Variants in FBXL2 observed in about 807,000 individuals in gnomAD.
FBXL2 encodes the protein F-box/LRR-repeat protein 2.
In FBXL2, 38 loss-of-function variants were observed where a neutral mutation model predicts 69.2. The observed-to-expected ratio is 0.55, with a 90% CI of 0.42 to 0.72. The LOEUF is 0.72. Ranked by LOEUF, FBXL2 falls within the 30% of genes least tolerant of loss-of-function variation. The pLI is 0.00. For synonymous variants in FBXL2, 192 were observed against 201.3 expected, an observed-to-expected ratio of 0.95 and a Z score of 0.39; for missense variants, 354 against 520.3, an observed-to-expected ratio of 0.68 and a Z score of 3.11.
chr3:33,371,605 T>C (rs935890006), intron 5 of FBXL2, among the ~76,000 whole-genome samples: 1 of 152,228 alleles, frequency 6.6e-6, no homozygotes, highest in African/African-American at 2.4e-5. Context: ...TTGTTTATGC[T>C]ATTTGTGTCA....
At chr3:33,413,856 C>T in the FBXL2 span, among the ~76,000 whole-genome samples, 2 of 152,166 alleles carry the variant, frequency 1.3e-5, no homozygotes, top group African/African-American at 4.8e-5. Flanking sequence ...GCAAAGCTCT[C>T]ATAGTGATGG....
downstream of FBXL2, chr3:33,392,691 T>C (rs2154054388): frequency 1.5e-6 from 2 of 1,377,994 alleles, no homozygotes; most frequent in East Asian, 2.3e-5. Flanking sequence ...AAACAGTAAA[T>C]ATTCTTCTCA....
intron 2 of FBXL2, among the ~76,000 whole-genome samples, chr3:33,309,736 T>C (rs552280379): frequency 6.6e-6 from 1 of 152,224 alleles, no homozygotes; most frequent in Non-Finnish European, 1.5e-5. Flanking sequence ...GATTTTTCTG[T>C]AGTGGTATGC....
At chr3:33,418,028 T>C in the FBXL2 span, among the ~76,000 whole-genome samples, 1 of 152,216 alleles carries the variant, frequency 6.6e-6, no homozygotes, top group Non-Finnish European at 1.5e-5. Flanking sequence ...GAAGAGACAT[T>C]TTTAAAAAGT....
At chr3:33,358,289 C>T (rs1362375339) in intron 2 of FBXL2, among the ~76,000 whole-genome samples, 1 of 152,220 alleles carries the variant, frequency 6.6e-6, no homozygotes, top group East Asian at 1.9e-4. Flanking sequence ...TGCTCACATA[C>T]TATGAGCAGC....
chr3:33,413,416 G>A, the FBXL2 span, among the ~76,000 whole-genome samples: 1 of 151,798 alleles, frequency 6.6e-6, no homozygotes, highest in South Asian at 2.1e-4. Flanking sequence ...GCATGGTGGT[G>A]GGCGCCTGTA....
At position 33,373,257 on chromosome 3, in the gene FBXL2, C is replaced by T. The variant is rs866922990; in HGVS notation, c.360-3C>T. The T allele has an allele frequency of 2.0e-5, 32 of 1,613,838 alleles. No individual in the cohort carries two copies. The highest frequency in any genetic ancestry group is 2.6e-5 in the Non-Finnish European group (31 of 1,179,864). On this transcript the variant is annotated splice_polypyrimidine_tract_variant and splice_region_variant and intron_variant, in intron 6 of 14. Transcript: ENST00000484457. ...TATCTTTAGTGCGTCTGCTCTTTTT[C>T]AGCACGTGTTATAGCCTTAGCAGAT...
chr3:33,405,584 C>T (rs12492331), downstream of FBXL2, among the ~76,000 whole-genome samples: 16,284 of 151,964 alleles, frequency 0.11, 952 homozygotes, highest in Admixed American at 0.16. Flanking sequence ...CCAGCACTTT[C>T]GGAGGCCAAG....
At chr3:33,365,106 A>G (rs2041866954) in intron 5 of FBXL2, among the ~76,000 whole-genome samples, 1 of 152,190 alleles carries the variant, frequency 6.6e-6, no homozygotes, top group Non-Finnish European at 1.5e-5. Flanking sequence ...CTACCTTTAT[A>G]TATAAATTTT....
At chr3:33,415,559 T>C in the FBXL2 span, among the ~76,000 whole-genome samples, 2 of 152,178 alleles carry the variant, frequency 1.3e-5, no homozygotes, top group African/African-American at 4.8e-5. Context: ...TGGATATATG[T>C]GGATTCATTG....
chr3:33,390,543 C>A, downstream of FBXL2: 3 of 661,130 alleles, frequency 4.5e-6, no homozygotes, highest in Non-Finnish European at 5.3e-6. Flanking sequence ...CAAAAAACTT[C>A]ATGTACACAT....
At chr3:33,312,573 G>A (rs1392627203) in intron 2 of FBXL2, among the ~76,000 whole-genome samples, 1 of 152,112 alleles carries the variant, frequency 6.6e-6, no homozygotes, top group Non-Finnish European at 1.5e-5. Context: ...CAGCCCATCC[G>A]GAGATTCTGG....
intron 5 of FBXL2, among the ~76,000 whole-genome samples, chr3:33,368,480 T>C (rs2042091754): frequency 6.6e-6 from 1 of 152,244 alleles, no homozygotes; most frequent in South Asian, 2.1e-4. Flanking sequence ...CTTTGTCTGA[T>C]ATAGTCATTC....
chr3:33,338,009 T>A (rs145706021), intron 2 of FBXL2, among the ~76,000 whole-genome samples: 1,923 of 152,248 alleles, frequency 0.013, 41 homozygotes, highest in African/African-American at 0.044. Flanking sequence ...ATGGGAAGAA[T>A]CAATATTGTT....
At chr3:33,348,750 A>G (rs2040628104) in intron 2 of FBXL2, among the ~76,000 whole-genome samples, 1 of 152,000 alleles carries the variant, frequency 6.6e-6, no homozygotes, top group South Asian at 2.1e-4. Context: ...TGGAATATCA[A>G]TATCTTTCTG....
rs571611171 is a variant in FBXL2 at position 33,354,252 on chromosome 3, G to A, written c.66-4715G>A. On this transcript the variant is annotated intron_variant, in intron 2 of 14. Transcript: ENST00000484457. ...TTTTAGGCTGGGCCCAGTGGTTCAC[G>A]CCTGTAATCCGAGCACTTTGGGAGG... Among the ~76,000 whole-genome samples the A allele has an allele frequency of 5.3e-5, 8 of 152,080 alleles. No individual in the cohort carries two copies. In the East Asian group the frequency reaches 9.7e-4, roughly 18 times the overall value.
intron 2 of FBXL2, among the ~76,000 whole-genome samples, chr3:33,318,396 T>C (rs1333044208): frequency 6.6e-6 from 1 of 152,182 alleles, no homozygotes; most frequent in African/African-American, 2.4e-5. Flanking sequence ...AACTAGTTAT[T>C]TGTTGAGTAC....
At chr3:33,314,306 G>A (rs1187781092) in intron 2 of FBXL2, among the ~76,000 whole-genome samples, 1 of 152,050 alleles carries the variant, frequency 6.6e-6, no homozygotes, top group African/African-American at 2.4e-5. Context: ...TGTACCGTTT[G>A]ACCAACATCT....
intron 2 of FBXL2, among the ~76,000 whole-genome samples, chr3:33,336,537 G>A (rs867668743): frequency 1.2e-4 from 19 of 152,128 alleles, no homozygotes; most frequent in East Asian, 5.8e-4. Flanking sequence ...CAAATATTTC[G>A]TCAACATGAC....
Sources: gnomAD v4.1 joint callset for allele counts (sites outside exome capture counted in the v4.1 genomes callset) on GRCh38, gnomAD v4.1.1 for gene constraint, MANE v1.5 for transcripts, NCBI Gene and HGNC (gene_info 2026-07-23, HGNC 2026-07-21) for gene names.